WDR27: variants seen among roughly 807,000 people sequenced by gnomAD.
WDR27 encodes WD repeat-containing protein 27.
Under a neutral mutation model 114.4 loss-of-function variants are expected in WDR27, and 100 were observed. That is an observed-to-expected ratio of 0.87 (90% CI 0.74 to 1.03). WDR27 has a LOEUF of 1.03. Ranked by LOEUF, WDR27 falls within the 50% of genes least tolerant of loss-of-function variation. The probability of loss-of-function intolerance (pLI) is 0.00; values close to 1 mark genes in which losing one functional copy is unlikely to be tolerated. For missense variants in WDR27, 1,129 were observed against 1,092.9 expected (o/e 1.03, Z -0.47); for synonymous variants, 449 against 423.1 (o/e 1.06, Z -0.75).
At chr6:169,654,333 A>C (rs1316302762) in intron 13 of WDR27, among the ~76,000 whole-genome samples, 1 of 152,214 alleles carries the variant, frequency 6.6e-6, no homozygotes, top group African/African-American at 2.4e-5. Flanking sequence ...GGCACACCAA[A>C]ACCAAACTCA....
At chr6:169,552,924 T>C (rs1335774955) in intron 25 of WDR27, among the ~76,000 whole-genome samples, 1 of 150,440 alleles carries the variant, frequency 6.6e-6, no homozygotes, top group African/African-American at 2.4e-5. Flanking sequence ...AAAAGGCAGC[T>C]AAGCGCGGCT....
chr6:169,686,158 T>A (rs968124307), intron 2 of WDR27, among the ~76,000 whole-genome samples: 1 of 152,200 alleles, frequency 6.6e-6, no homozygotes, highest in African/African-American at 2.4e-5. Context: ...AAGGAATTCA[T>A]CACCACTAGA....
At chr6:169,541,685 G>T (rs1796871222) in intron 25 of WDR27, among the ~76,000 whole-genome samples, 1 of 152,160 alleles carries the variant, frequency 6.6e-6, no homozygotes, top group Non-Finnish European at 1.5e-5. Flanking sequence ...GATGGTCCCG[G>T]TAACCCCTAC....
In WDR27 at chr6:169,663,984, T is replaced by A. The variant is rs763908093; in HGVS notation, c.904+182A>T. ...TCCCCACCCACACCAGGTGCCTCCA[T>A]CTGCTGATGGCCCACCCCTCACATG... On this transcript the variant is annotated intron_variant, in intron 8 of 25. Transcript: ENST00000448612. Among the ~76,000 whole-genome samples the A allele has an allele frequency of 5.4e-4, 82 of 152,180 alleles. 2 individuals are homozygous for A. Among genetic ancestry groups the A allele is most frequent in the Admixed American group, 1.7e-3 (26 of 15,284 alleles).
chr6:169,701,644 G>A lies in WDR27; in HGVS notation c.-101C>T, dbSNP rs1788098901. Reference sequence around the variant, plus strand: ...GATGCTCCGGCCCGACTTGTGCCCCGAATTCCCCTGGAGACCCTCGCACTA... The same window carrying A: ...GATGCTCCGGCCCGACTTGTGCCCCAAATTCCCCTGGAGACCCTCGCACTA... On this transcript the variant is annotated 5_prime_UTR_variant, in exon 1 of 26. Transcript: ENST00000448612. The A allele has an allele frequency of 6.2e-6, 1 of 161,986 alleles. No homozygotes were observed. Among genetic ancestry groups the A allele is most frequent in the Non-Finnish European group, 1.4e-5 (1 of 73,748 alleles). The allele number at this position is 161,986 out of a possible 1,614,324, so 10.0% of individuals were successfully genotyped here.
At chr6:169,533,305 G>T (rs73792917) in intron 25 of WDR27, among the ~76,000 whole-genome samples, 2,450 of 151,894 alleles carry the variant, frequency 0.016, 65 homozygotes, top group African/African-American at 0.057. Flanking sequence ...AAATTGGGGG[G>T]GGCGGGGGCG....
At chr6:169,667,839 G>A in intron 5 of WDR27, 143 bp downstream of exon 5, 2 of 799,718 alleles carry the variant, frequency 2.5e-6, no homozygotes, top group Non-Finnish European at 1.9e-6. Context: ...TGGAAATCAG[G>A]ATAGCGGGCG....
intron 25 of WDR27, among the ~76,000 whole-genome samples, chr6:169,483,945 G>A (rs1788535938): frequency 6.6e-6 from 1 of 152,020 alleles, no homozygotes; most frequent in South Asian, 2.1e-4. Flanking sequence ...CTCAATAGAT[G>A]CCAAAAAGAC....
chr6:169,472,402 C>G (rs1182172883), intron 25 of WDR27, among the ~76,000 whole-genome samples: 1 of 152,144 alleles, frequency 6.6e-6, no homozygotes, highest in Non-Finnish European at 1.5e-5. Flanking sequence ...ATTACAAACA[C>G]AGGCTCTAGA....
At chr6:169,552,354 G>A (rs1488358543) in intron 25 of WDR27, among the ~76,000 whole-genome samples, 4 of 152,178 alleles carry the variant, frequency 2.6e-5, no homozygotes, top group South Asian at 2.1e-4. Flanking sequence ...ACACAAACAC[G>A]CTGAAACGCC....
intron 25 of WDR27, among the ~76,000 whole-genome samples, chr6:169,526,761 T>C (rs1795014344): frequency 6.6e-6 from 1 of 152,098 alleles, no homozygotes; most frequent in African/African-American, 2.4e-5. Context: ...TTGATATGAG[T>C]TGAATATATA....
At chr6:169,651,178 C>CGGGGGGGGGGGGGGGGGGGG (rs200606067) in intron 14 of WDR27, among the ~76,000 whole-genome samples, 1 of 3,400 alleles carries the variant, frequency 2.9e-4, no homozygotes, top group Non-Finnish European at 4.9e-4. Flanking sequence ...CACAGCAGTG[C>CGGGGGGGGGGGGGGGGGGGG]GGGGCGGGGG....
At chr6:169,510,606 G>A (rs369476644) in intron 25 of WDR27, among the ~76,000 whole-genome samples, 65 of 138,278 alleles carry the variant, frequency 4.7e-4, no homozygotes, top group African/African-American at 1.5e-3. Context: ...ACAGGAAGGG[G>A]AATATCACAC....
At chr6:169,541,753 T>G (rs1796879407) in intron 25 of WDR27, among the ~76,000 whole-genome samples, 2 of 152,164 alleles carry the variant, frequency 1.3e-5, no homozygotes, top group South Asian at 4.2e-4. Flanking sequence ...TTAATGAATT[T>G]TATACTCTAT....
the WDR27 span, among the ~76,000 whole-genome samples, chr6:169,443,867 CA>C: frequency 1.3e-5 from 2 of 152,178 alleles, no homozygotes; most frequent in African/African-American, 4.8e-5. Context: ...AGGTCCAAAA[CA>C]GAGTCATTCA....
intron 25 of WDR27, among the ~76,000 whole-genome samples, chr6:169,476,396 C>T (rs188773656): frequency 3.7e-4 from 56 of 152,326 alleles, no homozygotes; most frequent in African/African-American, 1.3e-3. Context: ...TAAACCATCA[C>T]AGCTGTAAAT....
At chr6:169,558,040 A>G (rs867533183) in intron 25 of WDR27, among the ~76,000 whole-genome samples, 1 of 152,106 alleles carries the variant, frequency 6.6e-6, no homozygotes, top group Non-Finnish European at 1.5e-5. Flanking sequence ...TCAGGTCACT[A>G]TATTTCCCAA....
intron 21 of WDR27, among the ~76,000 whole-genome samples, chr6:169,631,576 C>T (rs529489777): frequency 3.3e-5 from 5 of 152,218 alleles, no homozygotes; most frequent in African/African-American, 1.2e-4. Context: ...TCCTGGACTC[C>T]GAAGCTCTGA....
At chr6:169,475,077 T>C (rs1315597860) in intron 25 of WDR27, among the ~76,000 whole-genome samples, 2 of 152,238 alleles carry the variant, frequency 1.3e-5, no homozygotes, top group Admixed American at 6.5e-5. Flanking sequence ...GCCATTAACT[T>C]TGTCATGGTG....
Sources: allele counts gnomAD v4.1 joint callset (sites outside exome capture counted in the v4.1 genomes callset), GRCh38; gene constraint gnomAD v4.1.1; transcripts MANE v1.5; gene names NCBI Gene and HGNC (gene_info 2026-07-23, HGNC 2026-07-21).